FHIT: variants seen among roughly 807,000 people sequenced by gnomAD.
The protein encoded by FHIT is bis(5'-adenosyl)-triphosphatase.
In FHIT, 19 loss-of-function variants were observed where a neutral mutation model predicts 17.9. That is an observed-to-expected ratio of 1.06 (90% CI 0.74 to 1.56). The LOEUF is 1.56. FHIT is among the 40% of genes most tolerant of loss of function. The pLI is 0.00. For missense variants in FHIT, 248 were observed against 189.2 expected, an observed-to-expected ratio of 1.31 and a Z score of -1.82; for synonymous variants, 81 against 69.7, an observed-to-expected ratio of 1.16 and a Z score of -0.81.
rs1196661950 is a variant in FHIT, at chr3:61,175,886, T to C, written c.-164+24731A>G. Among the ~76,000 whole-genome samples the C allele has an allele frequency of 5.3e-5, 8 of 152,234 alleles. 1 individual carries two copies. The highest frequency in any genetic ancestry group is 2.9e-5 in the Non-Finnish European group (2 of 68,036). On this transcript the variant is annotated intron_variant, in intron 2 of 9. Transcript: ENST00000492590. ...AATGACCAAGTCTGTGATATTTTGC[T>C]ACAGCAGCACAAACAGCTTAAGACA...
At chr3:61,148,117 C>T (rs1366816164) in intron 2 of FHIT, among the ~76,000 whole-genome samples, 2 of 151,126 alleles carry the variant, frequency 1.3e-5, no homozygotes, top group African/African-American at 2.4e-5. Context: ...ATGAGACTAT[C>T]GATGATTTAT....
At chr3:60,028,726 C>A (rs559814460) in intron 5 of FHIT, among the ~76,000 whole-genome samples, 2 of 152,096 alleles carry the variant, frequency 1.3e-5, no homozygotes, top group African/African-American at 4.8e-5. Flanking sequence ...ATGCCAATTG[C>A]GCTGATGTTC....
intron 5 of FHIT, among the ~76,000 whole-genome samples, chr3:60,277,731 T>A (rs1254992338): frequency 2.0e-5 from 3 of 151,832 alleles, no homozygotes; most frequent in African/African-American, 7.3e-5. Context: ...CACCCTTTTC[T>A]CTCTCAAGAG....
At chr3:60,513,786 T>G (rs2035037029) in intron 5 of FHIT, among the ~76,000 whole-genome samples, 1 of 152,142 alleles carries the variant, frequency 6.6e-6, no homozygotes, top group African/African-American at 2.4e-5. Flanking sequence ...AGAATAGGCA[T>G]GCTTGTTTTT....
intron 4 of FHIT, among the ~76,000 whole-genome samples, chr3:60,540,565 T>C (rs1010221027): frequency 1.3e-5 from 2 of 152,170 alleles, no homozygotes; most frequent in Non-Finnish European, 2.9e-5. Flanking sequence ...CTTTGTGTGT[T>C]GGGGGGAAAG....
At chr3:59,883,170 T>G (rs776843037) in intron 8 of FHIT, among the ~76,000 whole-genome samples, 1 of 152,112 alleles carries the variant, frequency 6.6e-6, no homozygotes, top group East Asian at 1.9e-4. Context: ...ATTGTGTAAT[T>G]TGAAAGTAAT....
chr3:60,244,895 C>A (rs1372890460), intron 5 of FHIT, among the ~76,000 whole-genome samples: 3 of 151,936 alleles, frequency 2.0e-5, no homozygotes, highest in Non-Finnish European at 4.4e-5. Flanking sequence ...TTATTACTGT[C>A]TGTCAATGCA....
chr3:60,922,427 C>A (rs1307888488), intron 3 of FHIT, among the ~76,000 whole-genome samples: 1 of 152,188 alleles, frequency 6.6e-6, no homozygotes, highest in Non-Finnish European at 1.5e-5. Flanking sequence ...TTATCTTTGA[C>A]CTTCACATTT....
At chr3:60,607,976 C>T (rs1172525716) in intron 4 of FHIT, among the ~76,000 whole-genome samples, 1 of 152,138 alleles carries the variant, frequency 6.6e-6, no homozygotes, top group African/African-American at 2.4e-5. Flanking sequence ...GTCTTCTCCT[C>T]CCTGCTCCCA....
intron 5 of FHIT, among the ~76,000 whole-genome samples, chr3:60,116,426 T>C (rs1268900525): frequency 1.3e-5 from 2 of 152,122 alleles, no homozygotes; most frequent in Non-Finnish European, 2.9e-5. Flanking sequence ...ATAAAAATCA[T>C]AAAGCCCATC....
rs569569099 is a variant in FHIT, at chr3:60,886,844, C to A, written c.-110-64833G>T. Among the ~76,000 whole-genome samples, 5 of 152,248 alleles carry A rather than the reference C, an allele frequency of 3.3e-5. No homozygotes were observed. In the East Asian group the frequency reaches 5.8e-4, roughly 18 times the overall value. ...ACACCAAATTAGCTCAGTAGAAAGG[C>A]TATCTAGACTATCTACTACCTAGGT... On this transcript the variant is annotated intron_variant, in intron 3 of 9. Coordinates refer to ENST00000492590, the MANE Select transcript of FHIT (RefSeq NM_002012.4).
intron 5 of FHIT, among the ~76,000 whole-genome samples, chr3:60,425,603 T>G (rs953491175): frequency 1.3e-5 from 2 of 152,140 alleles, no homozygotes; most frequent in Non-Finnish European, 2.9e-5. Context: ...CCTTTTTTCC[T>G]TATAGAAAAT....
chr3:60,197,718 T>C (rs1702710616), intron 5 of FHIT, among the ~76,000 whole-genome samples: 1 of 152,326 alleles, frequency 6.6e-6, no homozygotes, highest in Middle Eastern at 3.4e-3. Flanking sequence ...ACATTTCTTC[T>C]TTGTATTGAC....
intron 3 of FHIT, among the ~76,000 whole-genome samples, chr3:60,918,864 T>G (rs1324413254): frequency 6.6e-6 from 1 of 152,248 alleles, no homozygotes; most frequent in East Asian, 1.9e-4. Context: ...CTTGCCAATC[T>G]GAATGGCATT....
intron 5 of FHIT, among the ~76,000 whole-genome samples, chr3:60,098,295 ACTTC>A (rs1704048747): frequency 6.9e-6 from 1 of 145,592 alleles, no homozygotes; most frequent in Admixed American, 7.0e-5. Context: ...CGCCACACTG[ACTTC>A]CACAATGGTT....
intron 4 of FHIT, among the ~76,000 whole-genome samples, chr3:60,555,218 C>T (rs538325846): frequency 1.3e-5 from 2 of 151,400 alleles, no homozygotes; most frequent in Non-Finnish European, 2.9e-5. Flanking sequence ...TGTGTTCTTC[C>T]AGGCCCTCAG....
intron 5 of FHIT, among the ~76,000 whole-genome samples, chr3:60,453,444 C>T (rs1281467556): frequency 1.3e-5 from 2 of 152,268 alleles, no homozygotes; most frequent in East Asian, 1.9e-4. Context: ...TGCTCCAATG[C>T]CTCCGCCAGG....
At chr3:60,357,931 A>T (rs922008813) in intron 5 of FHIT, among the ~76,000 whole-genome samples, 13 of 152,064 alleles carry the variant, frequency 8.5e-5, no homozygotes, top group African/African-American at 3.1e-4. Context: ...TAGATAAAAG[A>T]CTCTCATAAT....
At chr3:60,077,693 C>CACACACACAA (rs1559611286) in intron 5 of FHIT, among the ~76,000 whole-genome samples, 2 of 94,880 alleles carry the variant, frequency 2.1e-5, no homozygotes, top group African/African-American at 5.6e-5. Flanking sequence ...ACTTCACACA[C>CACACACACAA]ACACACACAC....
Sources: allele counts gnomAD v4.1 joint callset (sites outside exome capture counted in the v4.1 genomes callset), GRCh38; gene constraint gnomAD v4.1.1; transcripts MANE v1.5; gene names NCBI Gene and HGNC (gene_info 2026-07-23, HGNC 2026-07-21).